The following R3HDM2 variants were observed in gnomAD, a reference collection of about 807,000 sequenced individuals.
R3HDM2 encodes the protein R3H domain containing 2.
In R3HDM2, 38 loss-of-function variants were observed where a neutral mutation model predicts 124.5. The ratio of observed to expected loss-of-function variants is 0.31; its 90% CI spans 0.24 to 0.40. The LOEUF (loss-of-function observed/expected upper bound fraction) is 0.40, where lower values mean the gene tolerates loss of function less well. R3HDM2 is among the 10% of genes least tolerant of loss of function. The pLI is 1.00. For synonymous variants in R3HDM2, 391 were observed against 448.0 expected, an observed-to-expected ratio of 0.87 and a Z score of 1.61; for missense variants, 869 against 1,236.9, an observed-to-expected ratio of 0.70 and a Z score of 4.46.
At chr12:57,290,092 G>GA (rs978489463) in intron 11 of R3HDM2, among the ~76,000 whole-genome samples, 6 of 151,066 alleles carry the variant, frequency 4.0e-5, no homozygotes, top group East Asian at 1.9e-4. Context: ...GAAATCAGGA[G>GA]AAAAAAAAAG....
rs1566025217 is a variant in R3HDM2, at chr12:57,298,072, T to C, written c.500+18A>G. The C allele has an allele frequency of 6.5e-7, 1 of 1,530,310 alleles. No homozygotes were observed. 94.8% of individuals were successfully genotyped at this position (1,530,310 alleles called of 1,614,324 possible). A position where few individuals can be genotyped will look rare whatever the true frequency, so the allele number is the denominator to read the frequency against. On this transcript the variant is annotated intron_variant, in intron 7 of 23. Coordinates refer to ENST00000402412, the MANE Select transcript of R3HDM2 (RefSeq NM_001394031.1). The stretch of plus-strand genomic sequence containing the variant: ...TATCCCCTAACCCCTTTTCCTCTTA[T>C]ACCCATCATGTTATTACCTTGGGTT...
chr12:57,323,506 A>T (rs1433711487), intron 2 of R3HDM2, among the ~76,000 whole-genome samples: 1 of 152,236 alleles, frequency 6.6e-6, no homozygotes, highest in Non-Finnish European at 1.5e-5. Flanking sequence ...CCAATATTCC[A>T]AATCAGGGAA....
At chr12:57,349,426 A>G (rs1452398845) in intron 2 of R3HDM2, among the ~76,000 whole-genome samples, 2 of 150,800 alleles carry the variant, frequency 1.3e-5, no homozygotes, top group Non-Finnish European at 3.0e-5. Context: ...AATCAAGAAA[A>G]TCAAGTAAAT....
intron 1 of R3HDM2, among the ~76,000 whole-genome samples, chr12:57,399,982 T>C (rs2067904740): frequency 6.6e-6 from 1 of 152,224 alleles, no homozygotes; most frequent in South Asian, 2.1e-4. Flanking sequence ...CCAAAGAATC[T>C]TGTTTATTTC....
chr12:57,356,887 C>T (rs1593825747), intron 2 of R3HDM2, among the ~76,000 whole-genome samples: 1 of 149,302 alleles, frequency 6.7e-6, no homozygotes, highest in Non-Finnish European at 1.5e-5. Context: ...GCGGGCGAAT[C>T]GCGAGGTCAG....
intron 2 of R3HDM2, among the ~76,000 whole-genome samples, chr12:57,356,798 ATG>A (rs1566313392): frequency 6.6e-6 from 1 of 152,228 alleles, no homozygotes; most frequent in African/African-American, 2.4e-5. Flanking sequence ...CTTTCATGAA[ATG>A]TGTCCATTTA....
intron 2 of R3HDM2, among the ~76,000 whole-genome samples, chr12:57,344,969 G>A (rs919281153): frequency 1.3e-5 from 2 of 151,938 alleles, no homozygotes; most frequent in African/African-American, 2.4e-5. Flanking sequence ...AGAGTAGCTG[G>A]GATTACAGGC....
intron 2 of R3HDM2, among the ~76,000 whole-genome samples, chr12:57,326,213 A>G (rs891881431): frequency 1.3e-5 from 2 of 152,212 alleles, no homozygotes; most frequent in Middle Eastern, 3.2e-3. Flanking sequence ...AGGCCAATTA[A>G]TAACTCTACA....
intron 2 of R3HDM2, among the ~76,000 whole-genome samples, chr12:57,388,369 G>T (rs1039195912): frequency 6.6e-6 from 1 of 152,216 alleles, no homozygotes; most frequent in African/African-American, 2.4e-5. Context: ...CAAGACAGTT[G>T]TAGGTAAAGA....
At chr12:57,422,850 G>A (rs962907701) in intron 1 of R3HDM2, among the ~76,000 whole-genome samples, 5 of 152,036 alleles carry the variant, frequency 3.3e-5, no homozygotes, top group Non-Finnish European at 5.9e-5. Flanking sequence ...TGGATGTGAT[G>A]GTGTGTACCT....
chr12:57,387,405 G>A (rs931526997), intron 2 of R3HDM2, among the ~76,000 whole-genome samples: 3 of 152,020 alleles, frequency 2.0e-5, no homozygotes, highest in Non-Finnish European at 2.9e-5. Flanking sequence ...CAGACACACC[G>A]CCTTTAAGAA....
chr12:57,386,562 G>C (rs1466457377), intron 2 of R3HDM2, among the ~76,000 whole-genome samples: 2 of 152,324 alleles, frequency 1.3e-5, no homozygotes, highest in Admixed American at 6.5e-5. Flanking sequence ...CGCTTCTGTG[G>C]GCTCCTGCGC....
At chr12:57,259,196 G>A in intron 19 of R3HDM2, 137 bp from the exon 20 acceptor site, 1 of 819,776 alleles carries the variant, frequency 1.2e-6, no homozygotes, top group Middle Eastern at 3.6e-4. Flanking sequence ...CCAGGAACCT[G>A]AGATGGCTGC....
intron 1 of R3HDM2, chr12:57,430,489 G>GCCCCCCCCC: frequency 8.9e-6 from 7 of 790,576 alleles, no homozygotes; most frequent in South Asian, 5.7e-5. Flanking sequence ...CCACCCCCCT[G>GCCCCCCCCC]CCCCCGCACC....
chr12:57,260,709 A>G (rs899304512), intron 19 of R3HDM2, among the ~76,000 whole-genome samples: 1 of 151,628 alleles, frequency 6.6e-6, no homozygotes, highest in Non-Finnish European at 1.5e-5. Flanking sequence ...TAGCTTGAAA[A>G]CCTGCTGCAA....
intron 1 of R3HDM2, 45 bp downstream of exon 1, chr12:57,430,675 A>C: frequency 1.3e-5 from 10 of 789,396 alleles, no homozygotes; most frequent in Non-Finnish European, 1.5e-5. Context: ...CCCTCCCCAC[A>C]GGCCGTCCGG....
At chr12:57,418,106 A>T in intron 1 of R3HDM2, 1 of 951,566 alleles carries the variant, frequency 1.1e-6, no homozygotes, top group Non-Finnish European at 1.3e-6. Flanking sequence ...TGAACTCTCT[A>T]CCAACATTTC....
intron 1 of R3HDM2, among the ~76,000 whole-genome samples, chr12:57,420,465 TTCC>T (rs1007631654): frequency 1.3e-5 from 2 of 151,952 alleles, no homozygotes; most frequent in Non-Finnish European, 2.9e-5. Flanking sequence ...TACTACTGCC[TTCC>T]TCCTCCTTGA....
chr12:57,286,631 G>A (rs1267644170), intron 12 of R3HDM2, among the ~76,000 whole-genome samples: 1 of 152,082 alleles, frequency 6.6e-6, no homozygotes, highest in East Asian at 1.9e-4. Flanking sequence ...CCTGTAATAT[G>A]AGGACTTTGG....
Sources: allele counts gnomAD v4.1 joint callset (sites outside exome capture counted in the v4.1 genomes callset), GRCh38; gene constraint gnomAD v4.1.1; transcripts MANE v1.5; gene names NCBI Gene and HGNC (gene_info 2026-07-23, HGNC 2026-07-21).